The following KAZN variants were observed in gnomAD, a reference collection of about 807,000 sequenced individuals.
KAZN encodes the protein kazrin, periplakin interacting protein, also known as kazrin.
In KAZN, 40 loss-of-function variants were observed where a neutral mutation model predicts 87.4. That is an observed-to-expected ratio of 0.46 (90% CI 0.36 to 0.60). KAZN has a LOEUF of 0.60. Among genes scored for constraint, KAZN ranks in the 20% least tolerant of loss-of-function variants. The pLI is 0.00. For missense variants in KAZN, 898 were observed against 1,073.9 expected (o/e 0.84, Z 2.29); for synonymous variants, 466 against 458.3 (o/e 1.02, Z -0.22).
intron 1 of KAZN, among the ~76,000 whole-genome samples, chr1:14,622,969 C>A (rs911548138): frequency 3.3e-5 from 5 of 150,718 alleles, no homozygotes; most frequent in Admixed American, 6.6e-5. Context: ...TAACAGATGG[C>A]AAGGTTGTGG....
chr1:14,297,733 A>C (rs1654235513), intron 2 of KAZN, among the ~76,000 whole-genome samples: 1 of 152,200 alleles, frequency 6.6e-6, no homozygotes. Context: ...GAAAGCAAGC[A>C]TTAGAGGAAC....
In KAZN at chr1:14,599,244, A is replaced by T. The variant is rs777659624; in HGVS notation, c.226+21A>T. ...GCAAGGTAGGATCGCCCCGGCGCCC[A>T]GGGCGGAGGAAGGCGAGCAGAGCAC... On this transcript the variant is annotated intron_variant, in intron 1 of 14. Coordinates refer to ENST00000376030, the MANE Select transcript of KAZN (RefSeq NM_201628.3). This position sits in a 1 kb window ranked among gnomAD's most constrained non-coding sequence, Gnocchi z 4.4. 5 of 1,350,636 alleles carry T rather than the reference A, an allele frequency of 3.7e-6. No individual in the cohort carries two copies. In the African/African-American group the frequency reaches 7.6e-5, roughly 21 times the overall value. 83.7% of individuals were successfully genotyped at this position (1,350,636 alleles called of 1,614,324 possible). A position where few individuals can be genotyped will look rare whatever the true frequency, so the allele number is the denominator to read the frequency against.
chr1:14,548,240 C>T (rs1673291113), intron 2 of KAZN, among the ~76,000 whole-genome samples: 1 of 150,428 alleles, frequency 6.6e-6, no homozygotes, highest in Non-Finnish European at 1.5e-5. Flanking sequence ...GCTCTGTCCC[C>T]CAGACTGGAG....
intron 8 of KAZN, among the ~76,000 whole-genome samples, chr1:15,080,060 AC>A (rs1346911864): frequency 6.6e-6 from 1 of 152,128 alleles, no homozygotes; most frequent in Non-Finnish European, 1.5e-5. Flanking sequence ...ACCCTGGCCA[AC>A]CCCAGGATCT....
chr1:14,867,172 G>T (rs991027606), intron 1 of KAZN, among the ~76,000 whole-genome samples: 1 of 152,204 alleles, frequency 6.6e-6, no homozygotes, highest in African/African-American at 2.4e-5. Flanking sequence ...GAGCAGCCAC[G>T]TTCAGGGCCC....
chr1:14,622,007 G>A (rs1678734125), intron 1 of KAZN, among the ~76,000 whole-genome samples: 1 of 152,194 alleles, frequency 6.6e-6, no homozygotes, highest in Non-Finnish European at 1.5e-5. Context: ...CTGGGACCAG[G>A]CTGTTCTAAC....
At chr1:14,588,706 C>CATT (rs1676003781) in intron 2 of KAZN, among the ~76,000 whole-genome samples, 3 of 152,238 alleles carry the variant, frequency 2.0e-5, no homozygotes, top group Non-Finnish European at 4.4e-5. Context: ...TAATGAATGA[C>CATT]AGGACAAGAA....
chr1:14,120,392 C>T (rs10803453), intron 1 of KAZN, among the ~76,000 whole-genome samples: 59,428 of 151,878 alleles, frequency 0.39, 12,256 homozygotes, highest in East Asian at 0.67. Flanking sequence ...ACCACCCCCA[C>T]GATCAAATCA....
At chr1:14,812,209 C>T (rs1006121821) in intron 1 of KAZN, among the ~76,000 whole-genome samples, 1 of 152,168 alleles carries the variant, frequency 6.6e-6, no homozygotes, top group Non-Finnish European at 1.5e-5. Flanking sequence ...TCTGTGACTA[C>T]CTTGAGCAAA....
intron 1 of KAZN, among the ~76,000 whole-genome samples, chr1:14,627,251 G>A (rs1407195500): frequency 6.6e-6 from 1 of 151,998 alleles, no homozygotes; most frequent in Non-Finnish European, 1.5e-5. Flanking sequence ...AAGCGTCTCA[G>A]CATCCAAACA....
chr1:14,526,958 T>C (rs1480256347), intron 2 of KAZN, among the ~76,000 whole-genome samples: 5 of 152,222 alleles, frequency 3.3e-5, no homozygotes, highest in African/African-American at 1.2e-4. Flanking sequence ...TAGCATCTGA[T>C]TTGCCTATGC....
At chr1:14,809,155 G>T (rs1646324408) in intron 1 of KAZN, among the ~76,000 whole-genome samples, 1 of 152,208 alleles carries the variant, frequency 6.6e-6, no homozygotes, top group Non-Finnish European at 1.5e-5. Context: ...GGGACGCTGA[G>T]GGCCAAGTTT....
At chr1:15,068,646 G>A (rs1259082766) in intron 8 of KAZN, among the ~76,000 whole-genome samples, 3 of 152,016 alleles carry the variant, frequency 2.0e-5, no homozygotes, top group Non-Finnish European at 4.4e-5. Context: ...TGAAGCCAGA[G>A]TGAGCCAGGC....
intron 1 of KAZN, among the ~76,000 whole-genome samples, chr1:14,960,051 C>A (rs1254794146): frequency 1.3e-5 from 2 of 152,186 alleles, no homozygotes; most frequent in Non-Finnish European, 2.9e-5. Context: ...GCAGGACAGT[C>A]AGGTGCAAAT....
At chr1:14,610,898 T>A (rs1289617066) in intron 1 of KAZN, among the ~76,000 whole-genome samples, 1 of 152,188 alleles carries the variant, frequency 6.6e-6, no homozygotes, top group Non-Finnish European at 1.5e-5. Context: ...GTCTTTGGGT[T>A]AATATGCAAC....
intron 2 of KAZN, among the ~76,000 whole-genome samples, chr1:14,990,980 G>C (rs764052589): frequency 2.6e-4 from 40 of 151,566 alleles, no homozygotes; most frequent in Admixed American, 6.6e-5. Flanking sequence ...GGGGTGATGT[G>C]TCTGCACACC....
chr1:14,412,569 CTT>C (rs1043243618), intron 2 of KAZN, among the ~76,000 whole-genome samples: 2 of 151,910 alleles, frequency 1.3e-5, no homozygotes, highest in Non-Finnish European at 2.9e-5. Flanking sequence ...TAGGAATAAA[CTT>C]TTATGGAGAA....
intron 1 of KAZN, among the ~76,000 whole-genome samples, chr1:14,704,301 C>T (rs575677677): frequency 6.6e-6 from 1 of 152,354 alleles, no homozygotes; most frequent in Non-Finnish European, 1.5e-5. Context: ...ACACAGTCCC[C>T]ATGGACAAAC....
At chr1:14,072,757 CT>C (rs1643297687) in intron 1 of KAZN, among the ~76,000 whole-genome samples, 1 of 152,162 alleles carries the variant, frequency 6.6e-6, no homozygotes, top group South Asian at 2.1e-4. Flanking sequence ...CTGCTTTCCT[CT>C]CCTGTAAACT....
Sources: gnomAD v4.1 joint callset for allele counts (sites outside exome capture counted in the v4.1 genomes callset) on GRCh38, gnomAD v4.1.1 for gene constraint, Gnocchi (gnomAD v3.1) non-coding constraint, MANE v1.5 for transcripts, NCBI Gene and HGNC (gene_info 2026-07-23, HGNC 2026-07-21) for gene names.